Variants in RAPGEF4 observed in about 807,000 individuals in gnomAD.
The protein encoded by RAPGEF4 is RAP guanine-nucleotide-exchange factor (GEF) 4.
Under a neutral mutation model 147.9 loss-of-function variants are expected in RAPGEF4, and 66 were observed. The ratio of observed to expected loss-of-function variants is 0.45; its 90% CI spans 0.37 to 0.55. The LOEUF (loss-of-function observed/expected upper bound fraction) is 0.55, where lower values mean the gene tolerates loss of function less well. RAPGEF4 is among the 20% of genes least tolerant of loss of function. The probability of loss-of-function intolerance (pLI) is 0.00; values close to 1 mark genes in which losing one functional copy is unlikely to be tolerated. For synonymous variants in RAPGEF4, 419 were observed against 442.7 expected (o/e 0.95, Z 0.67); for missense variants, 1,071 against 1,257.3 (o/e 0.85, Z 2.24).
intron 3 of RAPGEF4, among the ~76,000 whole-genome samples, chr2:172,805,481 G>T (rs750955370): frequency 1.3e-5 from 2 of 152,068 alleles, no homozygotes; most frequent in Admixed American, 1.3e-4. Context: ...ACCACTATGC[G>T]TAATTATCAG....
At chr2:172,756,396 C>G (rs1559025022) in intron 1 of RAPGEF4, among the ~76,000 whole-genome samples, 1 of 152,312 alleles carries the variant, frequency 6.6e-6, no homozygotes, top group Middle Eastern at 3.4e-3. Context: ...GATAGGATGA[C>G]AGTCAGCTCC....
At chr2:172,989,355 A>G (rs1264850824) in intron 14 of RAPGEF4, among the ~76,000 whole-genome samples, 5 of 152,198 alleles carry the variant, frequency 3.3e-5, no homozygotes, top group Admixed American at 2.0e-4. Flanking sequence ...ATTAACATCT[A>G]TCATGGTTAC....
At chr2:172,924,688 A>G (rs1300173915) in intron 6 of RAPGEF4, among the ~76,000 whole-genome samples, 1 of 152,244 alleles carries the variant, frequency 6.6e-6, no homozygotes, top group East Asian at 1.9e-4. Flanking sequence ...TAAGAGCCTT[A>G]AAGTGGTGTT....
chr2:172,789,442 T>C (rs1408017525), intron 1 of RAPGEF4, among the ~76,000 whole-genome samples: 1 of 152,228 alleles, frequency 6.6e-6, no homozygotes, highest in East Asian at 1.9e-4. Flanking sequence ...AATGATTCTT[T>C]TTAAAATTTT....
intron 5 of RAPGEF4, among the ~76,000 whole-genome samples, chr2:172,918,556 C>G (rs545382463): frequency 1.8e-4 from 28 of 152,278 alleles, no homozygotes; most frequent in Admixed American, 1.6e-3. Context: ...AGACCAGTCT[C>G]TGGCTGGTCA....
At chr2:172,936,551 G>A (rs150496876) in intron 6 of RAPGEF4, among the ~76,000 whole-genome samples, 208 of 150,048 alleles carry the variant, frequency 1.4e-3, no homozygotes, top group African/African-American at 4.5e-3. Context: ...TGTCTCAACC[G>A]TAATGTAGAA....
At chr2:173,036,336 T>G in intron 28 of RAPGEF4, 124 bp downstream of exon 28, 1 of 785,490 alleles carries the variant, frequency 1.3e-6, no homozygotes, top group Non-Finnish European at 2.1e-6. Context: ...GCCTTCTTTG[T>G]CATCTCCTCT....
intron 5 of RAPGEF4, among the ~76,000 whole-genome samples, chr2:172,920,459 G>A (rs1684624872): frequency 6.6e-6 from 1 of 152,152 alleles, no homozygotes; most frequent in Non-Finnish European, 1.5e-5. Flanking sequence ...CAAGGGCCAT[G>A]CTATGGTCAT....
At chr2:172,820,850 C>T (rs1052554908) in intron 4 of RAPGEF4, among the ~76,000 whole-genome samples, 3 of 152,126 alleles carry the variant, frequency 2.0e-5, no homozygotes, top group Admixed American at 6.5e-5. Context: ...GATATGTTGG[C>T]GGTTGTGAAA....
chr2:172,992,362 GT>G (rs1483670457), intron 15 of RAPGEF4, among the ~76,000 whole-genome samples: 2 of 152,192 alleles, frequency 1.3e-5, no homozygotes, highest in Non-Finnish European at 2.9e-5. Context: ...TTTTTTTAAT[GT>G]GAAGGTTGGG....
chr2:172,828,556 T>A (rs918051664), intron 4 of RAPGEF4, among the ~76,000 whole-genome samples: 1 of 152,180 alleles, frequency 6.6e-6, no homozygotes, highest in Non-Finnish European at 1.5e-5. Context: ...GCTCTCTTGG[T>A]GCAGAAACAC....
At chr2:172,953,527 GTGAAATATACACA>G (rs1688431050) in intron 6 of RAPGEF4, among the ~76,000 whole-genome samples, 1 of 151,818 alleles carries the variant, frequency 6.6e-6, no homozygotes, top group African/African-American at 2.4e-5. Context: ...TTTCAACTCA[GTGAAATATACACA>G]TGAAATAATC....
chr2:173,004,667 A>G (rs1160275722), intron 17 of RAPGEF4, among the ~76,000 whole-genome samples: 1 of 152,160 alleles, frequency 6.6e-6, no homozygotes, highest in African/African-American at 2.4e-5. Context: ...ATCCTTAAAA[A>G]TAAAACATTC....
At chr2:172,762,735 C>A (rs1177474915) in intron 1 of RAPGEF4, among the ~76,000 whole-genome samples, 1 of 152,186 alleles carries the variant, frequency 6.6e-6, no homozygotes, top group Non-Finnish European at 1.5e-5. Flanking sequence ...AACACAAGGT[C>A]ATAGATAGGA....
chr2:172,994,294 T>C (rs1367277108), intron 15 of RAPGEF4, among the ~76,000 whole-genome samples: 1 of 152,218 alleles, frequency 6.6e-6, no homozygotes, highest in African/African-American at 2.4e-5. Context: ...GTTAATTACA[T>C]GGAGAATTTC....
At position 173,034,596 on chromosome 2, in the gene RAPGEF4, A is replaced by G. The variant is rs528843237; in HGVS notation, c.2700+632A>G. Among the ~76,000 whole-genome samples, 11 of 152,324 alleles carry G rather than the reference A, an allele frequency of 7.2e-5. No homozygotes were observed. In the East Asian group the frequency reaches 7.7e-4, roughly 11 times the overall value. On this transcript the variant is annotated intron_variant, in intron 27 of 30. Coordinates refer to ENST00000397081, the MANE Select transcript of RAPGEF4 (RefSeq NM_007023.4). ...GTTATTTTAAAACACAAATCAGGCC[A>G]GGCGCAGTGGTTCATACCTGTAATC...
chr2:172,789,885 C>T (rs1196384244), intron 1 of RAPGEF4, among the ~76,000 whole-genome samples: 1 of 152,142 alleles, frequency 6.6e-6, no homozygotes, highest in Non-Finnish European at 1.5e-5. Flanking sequence ...TAGGTTGTTT[C>T]TGTATCTTGG....
In RAPGEF4 at chr2:172,797,544, T is replaced by G; in HGVS notation, c.228T>G (p.Ile76Met). The G allele has an allele frequency of 1.2e-6, 2 of 1,613,598 alleles. No individual in the cohort carries two copies. Among genetic ancestry groups the G allele is most frequent in the Non-Finnish European group, 1.7e-6 (2 of 1,179,744 alleles). Reference sequence around the variant, plus strand: ...TCCCAGTATTTCGCCAGGGTGATATTGGAACAAACTGGTATGCTGTCCTGG... The same window carrying G: ...TCCCAGTATTTCGCCAGGGTGATATGGGAACAAACTGGTATGCTGTCCTGG... ...KGITLFRQGD[I>M]GTNWYAVLAG... Residue 76 changes from isoleucine (I) to methionine (M), a missense_variant, in exon 3 of 31, where the codon ATT becomes ATG. Coordinates refer to ENST00000397081, the MANE Select transcript of RAPGEF4 (RefSeq NM_007023.4).
chr2:172,973,862 G>C (rs773649462), intron 10 of RAPGEF4, among the ~76,000 whole-genome samples: 5 of 152,174 alleles, frequency 3.3e-5, no homozygotes, highest in Non-Finnish European at 7.3e-5. Flanking sequence ...TTTGACCCAA[G>C]AGTCTTGTAA....
Sources: gnomAD v4.1 joint callset for allele counts (sites outside exome capture counted in the v4.1 genomes callset) on GRCh38, gnomAD v4.1.1 for gene constraint, MANE v1.5 for transcripts, NCBI Gene and HGNC (gene_info 2026-07-23, HGNC 2026-07-21) for gene names.